FLG: variants seen among roughly 807,000 people sequenced by gnomAD.
The protein encoded by FLG is filaggrin.
In FLG, 6 loss-of-function variants were observed where a neutral mutation model predicts 3.8. The observed-to-expected ratio is 1.60, with a 90% confidence interval of 0.87 to 3.15. FLG has a LOEUF of 3.15. FLG is among the 30% of genes most tolerant of loss of function. The pLI, the probability that FLG is intolerant of heterozygous loss-of-function variation, is 0.00. For synonymous variants in FLG, 2,551 were observed against 1,931.6 expected, an observed-to-expected ratio of 1.32 and a Z score of -8.41; for missense variants, 7,595 against 5,050.9, an observed-to-expected ratio of 1.50 and a Z score of -15.27.
chr1:152,314,481 T>G lies in FLG; in HGVS notation c.405A>C (p.Lys135Asn), dbSNP rs757616224. The G allele has an allele frequency of 2.2e-5, 36 of 1,613,510 alleles. No individual in the cohort carries two copies. The highest frequency in any genetic ancestry group is 3.3e-5 in the Admixed American group (2 of 60,000). Reference sequence around the variant, plus strand: ...GGCTCTTGGATCTTCCCTTATTCCCTTTTCTATTGTTTCTTCTTTCCAGAC... The same window carrying G: ...GGCTCTTGGATCTTCCCTTATTCCCGTTTCTATTGTTTCTTCTTTCCAGAC... ...PSSLERRNNR[K>N]GNKGRSKSPR... The change falls in exon 3 of 3, where the codon AAA becomes AAC. Residue 135 changes from lysine (K) to asparagine (N), a missense_variant. Physicochemically the swap from Lys to Asn is moderately conservative, Grantham distance 94. Transcript: ENST00000368799.
chr1:152,314,932 C>G (rs998243845), intron 2 of FLG, 185 bp from the exon 3 acceptor site: 5 of 639,336 alleles, frequency 7.8e-6, no homozygotes, highest in Non-Finnish European at 1.3e-5. Flanking sequence ...AAGATGTAGA[C>G]TAGTAAGGTA....
Position 152,309,715 on chromosome 1 carries a change from C to T in FLG, c.5171G>A (p.Gly1724Glu), listed in dbSNP as rs779964701. 23 of 1,613,920 alleles carry T rather than the reference C, an allele frequency of 1.4e-5. No individual in the cohort carries two copies. In the South Asian group the frequency reaches 2.5e-4, roughly 18 times the overall value. ...SSGSQASDSE[G>E]HSEESDTQSV... ...CTGTGTGTCTGACTCTTCTGAGTGT[C>T]CCTCGCTGTCACTGGCCTGGCTACC... The change falls in exon 3 of 3, where the codon GGA becomes GAA. Residue 1724 changes from glycine to glutamate, a missense_variant. Transcript: ENST00000368799.
chr1:152,305,111 C>T lies in FLG; in HGVS notation c.9775G>A (p.Glu3259Lys), dbSNP rs780813233. 20 of 1,613,894 alleles carry T rather than the reference C, an allele frequency of 1.2e-5. No homozygotes were observed. The highest frequency in any genetic ancestry group is 2.7e-5 in the African/African-American group (2 of 74,986). The change falls in exon 3 of 3, where the codon GAA (glutamate) becomes AAA (lysine). Residue 3259 changes from glutamate (E) to lysine (K), a missense_variant. By Grantham distance (56) the Glu-to-Lys change is moderately conservative. Coordinates refer to ENST00000368799, the MANE Select transcript of FLG (RefSeq NM_002016.2). ...HGSRHPRSHH[E>K]DRAGHGHSAD... ...GAGTGCCCGTGACCGGCTCTGTCTT[C>T]GTGATGGGACCTGGGGTGTCTGGAG...
Position 152,311,018 on chromosome 1 carries a change from C to A in FLG, c.3868G>T (p.Ala1290Ser). ...SDDSERLSGS[A>S]SRNHHGSSRE... ...GAAGATCCATGATGGTTTCTGGAAG[C>A]AGACCCAGACAACCTCTCGGAGTCG... The change falls in exon 3 of 3, where the codon GCT becomes TCT. Residue 1290 changes from alanine to serine, a missense_variant. Transcript: ENST00000368799. 1 of 1,613,892 alleles carries A rather than the reference C, an allele frequency of 6.2e-7. No homozygotes were observed. Among genetic ancestry groups the A allele is most frequent in the South Asian group, 1.1e-5 (1 of 91,032 alleles).
chr1:152,311,809 C>G lies in FLG; in HGVS notation c.3077G>C (p.Arg1026Thr). The G allele has an allele frequency of 6.2e-7, 1 of 1,614,092 alleles. No individual in the cohort carries two copies. The highest frequency in any genetic ancestry group is 8.5e-7 in the Non-Finnish European group (1 of 1,180,010). ...TCCGTGTCTTTCTCCTGGACTTGAT[C>G]TTGCCTGTTCATGGGATGACGCAGC... ...GQAASSHEQA[R>T]SSPGERHGSR... is the part of the protein sequence containing the mutation. Residue 1026 changes from arginine (R) to threonine (T), a missense_variant, in exon 3 of 3, where the codon AGA becomes ACA. Coordinates refer to ENST00000368799, the MANE Select transcript of FLG (RefSeq NM_002016.2).
Position 152,307,267 on chromosome 1 carries a change from C to A in FLG, c.7619G>T (p.Arg2540Leu). ...SGSRHHEASS[R>L]ADSSGHSQVG... is the part of the protein sequence containing the mutation. ...CTGCGAGTGTCCAGAGCTGTCGGCC[C>A]GAGAGGAAGCTTCATGGTGACGCGA... The change falls in exon 3 of 3, where the codon CGG becomes CTG. Residue 2540 changes from arginine to leucine, a missense_variant. Coordinates refer to ENST00000368799, the MANE Select transcript of FLG (RefSeq NM_002016.2). 1 of 1,606,754 alleles carries A rather than the reference C, an allele frequency of 6.2e-7. No homozygotes were observed. The highest frequency in any genetic ancestry group is 8.5e-7 in the Non-Finnish European group (1 of 1,179,838).
chr1:152,315,285 A>T, intron 2 of FLG, 34 bp downstream of exon 2: 1 of 1,606,532 alleles, frequency 6.2e-7, no homozygotes, highest in Non-Finnish European at 8.5e-7. Flanking sequence ...AGAAAAACAA[A>T]TGCTCTATCT....
rs1351710226 is a variant in FLG, at chr1:152,303,249, T to A, written c.11637A>T (p.Arg3879=). The A allele has an allele frequency of 5.6e-6, 9 of 1,613,804 alleles. No homozygotes were observed. Among genetic ancestry groups the A allele is most frequent in the Non-Finnish European group, 7.6e-6 (9 of 1,179,994 alleles). Residue 3879 remains arginine, a synonymous_variant, in exon 3 of 3, where the codon CGA becomes CGT. Transcript: ENST00000368799. ...GATGGTTTCTGGAAGCAGACTCAGA[T>A]CGCCTCTCAGAGTCCTCTGGGTATG... ...SEAYPEDSER[R]SESASRNHHG...
rs756632804 is a variant in FLG, at chr1:152,303,075, A to G, written c.11811T>C (p.Asp3937=). The change falls in exon 3 of 3, where the codon GAT becomes GAC. Residue 3937 remains aspartate (D), a synonymous_variant. Transcript: ENST00000368799. ...EHGHFSSLSQ[D]SAYHSGIQSR... is the part of the protein sequence containing the mutation. Reference sequence around the variant, plus strand: ...ACTGTATTCCTGAGTGATACGCAGAATCTTGTGAAAGACTACTAAAGTGAC... The same window carrying G: ...ACTGTATTCCTGAGTGATACGCAGAGTCTTGTGAAAGACTACTAAAGTGAC... The G allele has an allele frequency of 7.4e-6, 12 of 1,614,056 alleles. No homozygotes were observed. The highest frequency in any genetic ancestry group is 7.6e-6 in the Non-Finnish European group (9 of 1,180,038).
Position 152,308,388 on chromosome 1 carries a change from A to G in FLG, c.6498T>C (p.Ser2166=), listed in dbSNP as rs2184954. ...QSVDRSGHSG[S]HHSHTTSQGR... ...CCTGGGATGTGGTGTGGCTGTGATG[A>G]GACCCTGAGTGTCCAGACCTATCTA... The change falls in exon 3 of 3, where the codon TCT becomes TCC. Residue 2166 remains serine, a synonymous_variant. Transcript: ENST00000368799. 354,838 of 1,612,768 alleles carry G rather than the reference A, an allele frequency of 0.22. 52,109 individuals are homozygous for G. The highest frequency in any genetic ancestry group is 0.62 in the East Asian group (27,810 of 44,812).
chr1:152,306,096 G>A lies in FLG; in HGVS notation c.8790C>T (p.Pro2930=), dbSNP rs1176622216. 5 of 1,598,784 alleles carry A rather than the reference G, an allele frequency of 3.1e-6. No homozygotes were observed. Among genetic ancestry groups the A allele is most frequent in the Non-Finnish European group, 4.2e-6 (5 of 1,179,906 alleles). ...QEQLRDGSRH[P]RSHQEDRAGH... ...CAGCTCTGTCTTCTTGATGGGACCT[G>A]GGGTGTCTGGAGCCATCTCTTAGCT... Residue 2930 remains proline (P), a synonymous_variant, in exon 3 of 3, where the codon CCC becomes CCT. Transcript: ENST00000368799.
At position 152,314,186 on chromosome 1, in the gene FLG, C is replaced by T. The variant is rs1332376453; in HGVS notation, c.700G>A (p.Ala234Thr). 6.2e-7 allele frequency: 1 copy of T among 1,614,056 alleles called. No homozygotes were observed. Among genetic ancestry groups the T allele is most frequent in the East Asian group, 2.2e-5 (1 of 44,866 alleles). The change falls in exon 3 of 3, where the codon GCC becomes ACC. Residue 234 changes from alanine (A) to threonine (T), a missense_variant. Transcript: ENST00000368799. ...TCATCCTGGATTGTGTAATATGTGG[C>T]AATATGGCCTGATTGTATCCATTTT... ...TQKWIQSGHI[A>T]TYYTIQDEAY...
In FLG at chr1:152,314,358, G is replaced by GT. The variant is rs1166843216; in HGVS notation, c.527dup (p.Asn176LysfsTer4). The GT allele has an allele frequency of 2.5e-6, 4 of 1,611,498 alleles. No homozygotes were observed. The highest frequency in any genetic ancestry group is 1.3e-5 in the African/African-American group (1 of 74,550). On this transcript the variant is annotated frameshift_variant, in exon 3 of 3. Transcript: ENST00000368799. LOFTEE classifies it low-confidence loss of function (END_TRUNC). ...TCTCTTTTTTACTTGAGTTATGATG[G>GT]TTTTTTCCATATTCTTCTTCTCTAT...
At position 152,307,315 on chromosome 1, in the gene FLG, C is replaced by G. The variant is rs1165758911; in HGVS notation, c.7571G>C (p.Gly2524Ala). 1.2e-6 allele frequency: 2 copies of G among 1,613,418 alleles called. No individual in the cohort carries two copies. The highest frequency in any genetic ancestry group is 1.7e-5 in the Admixed American group (1 of 59,940). The change falls in exon 3 of 3, where the codon GGA becomes GCA. Residue 2524 changes from glycine to alanine, a missense_variant. By Grantham distance (60) the Gly-to-Ala change is moderately conservative. Transcript: ENST00000368799. Reference sequence around the variant, plus strand: ...CGACCCTGAGTGCCTGGAGCCGTCTCCTGATTGTTCATCGTTACGAGTTTG... The same window carrying G: ...CGACCCTGAGTGCCTGGAGCCGTCTGCTGATTGTTCATCGTTACGAGTTTG... ...SRQTRNDEQS[G>A]DGSRHSGSRH...
In FLG at chr1:152,307,294, C is replaced by T; in HGVS notation, c.7592G>A (p.Gly2531Glu). 6.2e-6 allele frequency: 10 copies of T among 1,613,262 alleles called. No individual in the cohort carries two copies. The highest frequency in any genetic ancestry group is 8.5e-6 in the Non-Finnish European group (10 of 1,179,904). The change falls in exon 3 of 3, where the codon GGG (glycine) becomes GAG (glutamate). Residue 2531 changes from glycine (G) to glutamate (E), a missense_variant. Gly to Glu is a moderately conservative substitution (Grantham distance 98, BLOSUM62 -2). Coordinates refer to ENST00000368799, the MANE Select transcript of FLG (RefSeq NM_002016.2). ...AGAGGAAGCTTCATGGTGACGCGAC[C>T]CTGAGTGCCTGGAGCCGTCTCCTGA... ...EQSGDGSRHS[G>E]SRHHEASSRA... is the part of the protein sequence containing the mutation.
rs746802524 is a variant in FLG, at chr1:152,312,945, T to C, written c.1941A>G (p.Gly647=). Residue 647 remains glycine (G), a synonymous_variant, in exon 3 of 3, where the codon GGA becomes GGG. Transcript: ENST00000368799. ...CATCTCTTGACTGCTCCTGAGCAGA[T>C]CCATGATGGTTTCTGGAAGCAGACC... ...WSGSASRNHH[G]SAQEQSRDGS... 63 of 1,613,808 alleles carry C rather than the reference T, an allele frequency of 3.9e-5. No homozygotes were observed. In the Admixed American group the frequency reaches 1.0e-3, roughly 27 times the overall value.
Position 152,313,499 on chromosome 1 carries a change from C to T in FLG, c.1387G>A (p.Gly463Arg), listed in dbSNP as rs765277211. 1.2e-5 allele frequency: 20 copies of T among 1,613,796 alleles called. No individual in the cohort carries two copies. Among genetic ancestry groups the T allele is most frequent in the Non-Finnish European group, 1.5e-5 (18 of 1,179,946 alleles). The change falls in exon 3 of 3, where the codon GGA (glycine) becomes AGA (arginine). Residue 463 changes from glycine to arginine, a missense_variant. By Grantham distance (125) the Gly-to-Arg change is moderately radical. Coordinates refer to ENST00000368799, the MANE Select transcript of FLG (RefSeq NM_002016.2). ...TGGTAGAGGGAAGACCCTGAACGTCCAGACCGTTCCCCTGACCGGCCACGT... is the reference window on the plus strand; with the variant it reads ...TGGTAGAGGGAAGACCCTGAACGTCTAGACCGTTCCCCTGACCGGCCACGT... Reference protein sequence around the residue: ...STRGRSGERSGRSGSSLYQVS... With the variant: ...STRGRSGERSRRSGSSLYQVS...
In FLG at chr1:152,309,953, G is replaced by T; in HGVS notation, c.4933C>A (p.His1645Asn). ...SHQEDRASHG[H>N]SAESSRQSGT... The stretch of plus-strand genomic sequence containing the variant: ...GATTGTCTGGAGCTCTCTGCAGAGT[G>T]CCCATGACTGGCTCTATCTTCTTGA... Residue 1645 changes from histidine to asparagine, a missense_variant, in exon 3 of 3, where the codon CAC (histidine) becomes AAC (asparagine). His to Asn is a moderately conservative substitution (Grantham distance 68, BLOSUM62 1). Coordinates refer to ENST00000368799, the MANE Select transcript of FLG (RefSeq NM_002016.2). 4.3e-6 allele frequency: 7 copies of T among 1,614,102 alleles called. No homozygotes were observed. The highest frequency in any genetic ancestry group is 1.1e-5 in the South Asian group (1 of 91,074).
At position 152,312,185 on chromosome 1, in the gene FLG, G is replaced by C; in HGVS notation, c.2701C>G (p.Gln901Glu). 7 of 1,614,022 alleles carry C rather than the reference G, an allele frequency of 4.3e-6. No individual in the cohort carries two copies. The highest frequency in any genetic ancestry group is 5.9e-6 in the Non-Finnish European group (7 of 1,180,006). ...GAGTGCCTGGAGCCGTCTCTTGATT[G>C]TTCCTCATTACGTGTTGTTCTGCTT... Reference protein sequence around the residue: ...SASRTTRNEEQSRDGSRHSGS... With the variant: ...SASRTTRNEEESRDGSRHSGS... Residue 901 changes from glutamine (Q) to glutamate (E), a missense_variant, in exon 3 of 3, where the codon CAA (glutamine) becomes GAA (glutamate). By Grantham distance (29) the Gln-to-Glu change is conservative. Transcript: ENST00000368799.
Sources: gnomAD v4.1 joint callset for allele counts on GRCh38, gnomAD v4.1.1 for gene constraint, MANE v1.5 for transcripts, NCBI Gene and HGNC (gene_info 2026-07-23, HGNC 2026-07-21) for gene names.